RPS6KB1: variants seen among roughly 807,000 people sequenced by gnomAD.
The protein encoded by RPS6KB1 is ribosomal protein S6 kinase B1.
In RPS6KB1, 12 loss-of-function variants were observed where a neutral mutation model predicts 70.2. The ratio of observed to expected loss-of-function variants is 0.17; its 90% CI spans 0.11 to 0.28. The LOEUF (loss-of-function observed/expected upper bound fraction) is 0.28, where lower values mean the gene tolerates loss of function less well. Among genes scored for constraint, RPS6KB1 ranks in the 10% least tolerant of loss-of-function variants. The pLI, the probability that RPS6KB1 is intolerant of heterozygous loss-of-function variation, is 1.00. For missense variants in RPS6KB1, 270 were observed against 646.6 expected, an observed-to-expected ratio of 0.42 and a Z score of 6.32; for synonymous variants, 175 against 211.2, an observed-to-expected ratio of 0.83 and a Z score of 1.49.
intron 4 of RPS6KB1, among the ~76,000 whole-genome samples, chr17:59,925,741 C>T (rs936843039): frequency 3.9e-5 from 6 of 152,176 alleles, no homozygotes; most frequent in African/African-American, 7.2e-5. Context: ...ATTTCCCAGA[C>T]GTATTCTGTC....
intron 4 of RPS6KB1, among the ~76,000 whole-genome samples, chr17:59,923,022 C>T (rs1350450373): frequency 1.3e-5 from 2 of 151,380 alleles, no homozygotes; most frequent in East Asian, 1.9e-4. Context: ...TGCCACCATA[C>T]CCAGCTGATT....
chr17:59,916,709 T>C lies in RPS6KB1; in HGVS notation c.381+2006T>C, dbSNP rs139666624. On this transcript the variant is annotated intron_variant, in intron 4 of 14. Coordinates refer to ENST00000225577, the MANE Select transcript of RPS6KB1 (RefSeq NM_003161.4). ...TTTCTTCACCACAACCCTGGAATCC[T>C]CTTGGCTCCTTCAGTGTTGGATCTT... Among the ~76,000 whole-genome samples the C allele has an allele frequency of 1.5e-3, 226 of 152,320 alleles. 1 individual carries two copies. The highest frequency in any genetic ancestry group is 5.4e-3 in the African/African-American group (224 of 41,584).
At chr17:59,930,037 G>A in intron 5 of RPS6KB1, 80 bp from the exon 6 acceptor site, 2 of 784,258 alleles carry the variant, frequency 2.6e-6, no homozygotes, top group Admixed American at 2.0e-5. Flanking sequence ...TGGTTAGAAG[G>A]AAAGCACAAA....
At chr17:59,923,225 CAT>C (rs1193191948) in intron 4 of RPS6KB1, among the ~76,000 whole-genome samples, 2 of 151,180 alleles carry the variant, frequency 1.3e-5, no homozygotes, top group Non-Finnish European at 2.9e-5. Flanking sequence ...GTGGCATGAT[CAT>C]GGCTCACCAC....
intron 1 of RPS6KB1, among the ~76,000 whole-genome samples, chr17:59,898,447 CT>C (rs903866261): frequency 2.6e-5 from 4 of 151,720 alleles, no homozygotes; most frequent in Non-Finnish European, 4.4e-5. Flanking sequence ...AAAGCAGCAA[CT>C]TTTTTTTATT....
chr17:59,893,335 G>A lies in RPS6KB1; in HGVS notation c.141+10G>A. On this transcript the variant is annotated intron_variant, in intron 1 of 14. Coordinates refer to ENST00000225577, the MANE Select transcript of RPS6KB1 (RefSeq NM_003161.4). This position sits in a 1 kb window ranked among gnomAD's most constrained non-coding sequence, Gnocchi z 4.1. Reference sequence around the variant, plus strand: ...TGAGCTGGAGGAGGGGGTGAGGCCCGGGGTCCCCGGGGGCCCGAGGTGACA... The same window carrying A: ...TGAGCTGGAGGAGGGGGTGAGGCCCAGGGTCCCCGGGGGCCCGAGGTGACA... 1 of 1,591,884 alleles carries A rather than the reference G, an allele frequency of 6.3e-7. No homozygotes were observed. The highest frequency in any genetic ancestry group is 2.3e-5 in the East Asian group (1 of 43,796).
intron 3 of RPS6KB1, among the ~76,000 whole-genome samples, 197 bp from the exon 4 acceptor site, chr17:59,914,438 C>T (rs1187000679): frequency 6.6e-6 from 1 of 151,956 alleles, no homozygotes; most frequent in Non-Finnish European, 1.5e-5. Flanking sequence ...GGTCATTGTC[C>T]AACATTACCA....
intron 1 of RPS6KB1, among the ~76,000 whole-genome samples, chr17:59,894,687 C>A (rs377701155): frequency 3.9e-5 from 6 of 152,210 alleles, no homozygotes; most frequent in Non-Finnish European, 7.3e-5. Flanking sequence ...TCACTGCAAT[C>A]TCAGCCTCCT....
chr17:59,909,183 C>T (rs1403817352), intron 1 of RPS6KB1, among the ~76,000 whole-genome samples: 1 of 147,474 alleles, frequency 6.8e-6, no homozygotes, highest in African/African-American at 2.5e-5. Flanking sequence ...CCGCCTCGGC[C>T]TCCCAAACTG....
chr17:59,902,532 T>A (rs576371021), intron 1 of RPS6KB1, among the ~76,000 whole-genome samples: 1 of 152,152 alleles, frequency 6.6e-6, no homozygotes, highest in African/African-American at 2.4e-5. Flanking sequence ...ATTTGAGTTA[T>A]TCATTCAGAT....
intron 2 of RPS6KB1, 118 bp from the exon 3 acceptor site, chr17:59,912,566 T>C (rs2042712236): frequency 2.0e-6 from 2 of 985,496 alleles, no homozygotes; most frequent in Admixed American, 2.7e-5. Context: ...TTTGGTGTCA[T>C]GTACTTTTTT....
chr17:59,940,275 CTTTTTTTT>C (rs559026454), intron 12 of RPS6KB1, among the ~76,000 whole-genome samples: 9 of 81,520 alleles, frequency 1.1e-4, no homozygotes, highest in Admixed American at 7.0e-4. Flanking sequence ...GATATATTCA[CTTTTTTTT>C]TTTTTTTTTT....
At chr17:59,900,389 G>A (rs973699182) in intron 1 of RPS6KB1, among the ~76,000 whole-genome samples, 2 of 151,602 alleles carry the variant, frequency 1.3e-5, no homozygotes, top group Non-Finnish European at 2.9e-5. Context: ...TTTTGAGATG[G>A]AGTCTCACTC....
chr17:59,931,556 C>A, intron 6 of RPS6KB1, 66 bp from the exon 7 acceptor site: 1 of 1,251,974 alleles, frequency 8.0e-7, no homozygotes, highest in South Asian at 1.2e-5. Flanking sequence ...GAATTTTGCT[C>A]CATACGTAAA....
chr17:59,918,287 C>G (rs2043072390), intron 4 of RPS6KB1, among the ~76,000 whole-genome samples: 1 of 151,996 alleles, frequency 6.6e-6, no homozygotes, highest in Non-Finnish European at 1.5e-5. Flanking sequence ...AGAATTCTTT[C>G]TGTTGTTTTT....
intron 4 of RPS6KB1, among the ~76,000 whole-genome samples, chr17:59,924,364 T>A (rs1476307741): frequency 6.6e-6 from 1 of 152,148 alleles, no homozygotes; most frequent in Non-Finnish European, 1.5e-5. Flanking sequence ...ATCTTTTTTC[T>A]CTTTCTCTTT....
intron 4 of RPS6KB1, among the ~76,000 whole-genome samples, chr17:59,923,027 C>G (rs1435633724): frequency 1.3e-5 from 2 of 148,604 alleles, no homozygotes; most frequent in Non-Finnish European, 1.5e-5. Context: ...CCATACCCAG[C>G]TGATTTTTGT....
chr17:59,908,451 T>G (rs889690476), intron 1 of RPS6KB1, among the ~76,000 whole-genome samples: 3 of 151,776 alleles, frequency 2.0e-5, no homozygotes, highest in African/African-American at 7.3e-5. Context: ...TCCACCCGCC[T>G]CGGCCTCCCA....
chr17:59,920,402 A>G (rs1187292564), intron 4 of RPS6KB1, among the ~76,000 whole-genome samples: 2 of 152,224 alleles, frequency 1.3e-5, no homozygotes, highest in African/African-American at 4.8e-5. Flanking sequence ...TAAGACTTGT[A>G]AAACTTTGGT....
Sources: allele counts gnomAD v4.1 joint callset (sites outside exome capture counted in the v4.1 genomes callset), GRCh38; gene constraint gnomAD v4.1.1; non-coding constraint Gnocchi (gnomAD v3.1); transcripts MANE v1.5; gene names NCBI Gene and HGNC (gene_info 2026-07-23, HGNC 2026-07-21).